The following SLC24A3 variants were observed in gnomAD, a reference collection of about 807,000 sequenced individuals.
The protein encoded by SLC24A3 is sodium/potassium/calcium exchanger 3.
In SLC24A3, 28 loss-of-function variants were observed where a neutral mutation model predicts 75.8. The observed-to-expected ratio is 0.37, with a 90% CI of 0.27 to 0.51. The LOEUF (loss-of-function observed/expected upper bound fraction) is 0.51. SLC24A3 is among the 20% of genes least tolerant of loss of function. The probability of loss-of-function intolerance (pLI) is 0.94; values close to 1 mark genes in which losing one functional copy is unlikely to be tolerated. For synonymous variants in SLC24A3, 372 were observed against 334.1 expected, an observed-to-expected ratio of 1.11 and a Z score of -1.24; for missense variants, 663 against 847.8, an observed-to-expected ratio of 0.78 and a Z score of 2.71.
At chr20:19,680,105 T>C (rs562716776) in intron 9 of SLC24A3, among the ~76,000 whole-genome samples, 2 of 136,306 alleles carry the variant, frequency 1.5e-5, no homozygotes, top group South Asian at 4.4e-4. Flanking sequence ...TGTGTGCGAG[T>C]GTGTGTCTGT....
At chr20:19,277,347 A>G (rs2051342543) in intron 1 of SLC24A3, among the ~76,000 whole-genome samples, 1 of 152,240 alleles carries the variant, frequency 6.6e-6, no homozygotes, top group African/African-American at 2.4e-5. Flanking sequence ...CATTCAGTGA[A>G]TGGAAGCCAT....
intron 6 of SLC24A3, among the ~76,000 whole-genome samples, chr20:19,627,801 G>A (rs1457151187): frequency 6.6e-6 from 1 of 152,158 alleles, no homozygotes; most frequent in Non-Finnish European, 1.5e-5. Context: ...TATAAACACA[G>A]AGTAGTAATA....
intron 6 of SLC24A3, among the ~76,000 whole-genome samples, chr20:19,622,368 G>C (rs2031815541): frequency 6.6e-6 from 1 of 152,158 alleles, no homozygotes; most frequent in Admixed American, 6.5e-5. Context: ...TTATGGCTGG[G>C]TCATTTCTAG....
At chr20:19,644,206 G>T (rs907519025) in intron 6 of SLC24A3, among the ~76,000 whole-genome samples, 2 of 152,130 alleles carry the variant, frequency 1.3e-5, no homozygotes, top group African/African-American at 4.8e-5. Context: ...CTGCTGCATC[G>T]CGTCCAGATC....
intron 2 of SLC24A3, among the ~76,000 whole-genome samples, chr20:19,341,606 G>A (rs1216522765): frequency 6.6e-6 from 1 of 152,182 alleles, no homozygotes; most frequent in Admixed American, 6.5e-5. Context: ...TCAAGACAGA[G>A]TAAACACTTC....
At chr20:19,685,955 G>A (rs1389898909) in intron 12 of SLC24A3, among the ~76,000 whole-genome samples, 8 of 152,140 alleles carry the variant, frequency 5.3e-5, no homozygotes, top group Non-Finnish European at 1.0e-4. Flanking sequence ...CCATCTGGGA[G>A]GCCTAAGGGT....
intron 2 of SLC24A3, among the ~76,000 whole-genome samples, chr20:19,506,733 C>G (rs1988467493): frequency 6.6e-6 from 1 of 151,544 alleles, no homozygotes; most frequent in African/African-American, 2.4e-5. Flanking sequence ...TCCCCTTGCT[C>G]CCAAGCTAAC....
At chr20:19,690,870 TA>T (rs1395072043) in intron 12 of SLC24A3, among the ~76,000 whole-genome samples, 4 of 152,248 alleles carry the variant, frequency 2.6e-5, no homozygotes, top group African/African-American at 9.6e-5. Flanking sequence ...CTTTTCTTAC[TA>T]TTTTTTTTGT....
intron 3 of SLC24A3, among the ~76,000 whole-genome samples, chr20:19,531,991 A>G (rs539734653): frequency 6.6e-6 from 1 of 152,292 alleles, no homozygotes; most frequent in African/African-American, 2.4e-5. Flanking sequence ...AACTTGCCCA[A>G]GGCATGCAGC....
At chr20:19,313,028 CTTTTTTTTTTTTTT>C (rs747623530) in intron 2 of SLC24A3, among the ~76,000 whole-genome samples, 1 of 68,274 alleles carries the variant, frequency 1.5e-5, no homozygotes, top group Non-Finnish European at 2.7e-5. Context: ...TTTTCTCTTG[CTTTTTTTTTTTTTT>C]TTTTTTTTTT....
intron 2 of SLC24A3, among the ~76,000 whole-genome samples, chr20:19,296,606 C>A (rs752394736): frequency 8.5e-5 from 13 of 152,102 alleles, no homozygotes; most frequent in Non-Finnish European, 1.6e-4. Context: ...AAAACCAGTT[C>A]TAAGAGATCT....
At chr20:19,700,975 T>C (rs1369405663) in intron 15 of SLC24A3, among the ~76,000 whole-genome samples, 1 of 152,220 alleles carries the variant, frequency 6.6e-6, no homozygotes, top group East Asian at 1.9e-4. Context: ...TTCTCAGTGT[T>C]AGAAAAGTTA....
chr20:19,721,050 C>T lies in SLC24A3; in HGVS notation c.1845C>T (p.Leu615=). Residue 615 remains leucine, a synonymous_variant, in exon 17 of 17, where the codon CTC becomes CTT. Transcript: ENST00000328041. The part of the protein sequence containing the change: ...QLDKKLGCGC[L]LLYGVFLCFS... The stretch of plus-strand genomic sequence containing the variant: ...ACAAGAAGCTGGGCTGTGGGTGCCT[C>T]CTCCTGTATGGTGTGTTCCTGTGCT... 1 of 1,614,148 alleles carries T rather than the reference C, an allele frequency of 6.2e-7. No individual in the cohort carries two copies. The highest frequency in any genetic ancestry group is 8.5e-7 in the Non-Finnish European group (1 of 1,180,034).
chr20:19,536,330 C>T (rs984084015), intron 3 of SLC24A3, among the ~76,000 whole-genome samples: 1 of 152,060 alleles, frequency 6.6e-6, no homozygotes, highest in Non-Finnish European at 1.5e-5. Flanking sequence ...CCCAGAGGAA[C>T]TTTGGGAGTG....
At chr20:19,698,155 A>G (rs1490610117) in intron 14 of SLC24A3, among the ~76,000 whole-genome samples, 1 of 152,086 alleles carries the variant, frequency 6.6e-6, no homozygotes, top group African/African-American at 2.4e-5. Flanking sequence ...ACGAGATCTC[A>G]CTCACTATCA....
intron 2 of SLC24A3, among the ~76,000 whole-genome samples, chr20:19,393,375 A>G (rs1027185510): frequency 4.6e-5 from 7 of 152,184 alleles, no homozygotes; most frequent in African/African-American, 1.7e-4. Context: ...GGAAATCCTA[A>G]TCAGAGCAAT....
chr20:19,437,813 CT>C (rs1393706098), intron 2 of SLC24A3, among the ~76,000 whole-genome samples: 2 of 152,208 alleles, frequency 1.3e-5, no homozygotes. Context: ...TGTCTCCATC[CT>C]CCTCCACCCT....
In SLC24A3 at chr20:19,536,855, C is replaced by T. The variant is rs976759304; in HGVS notation, c.348+21291C>T. Among the ~76,000 whole-genome samples the T allele has an allele frequency of 6.6e-5, 10 of 152,272 alleles. 2 individuals carry two copies. ...AAGCTGAAACTGGATCCCTTCCTTA[C>T]ACCTTATACAAAAATTAATTCAAGA... On this transcript the variant is annotated intron_variant, in intron 3 of 16. Transcript: ENST00000328041.
At chr20:19,624,023 G>A (rs2031837880) in intron 6 of SLC24A3, among the ~76,000 whole-genome samples, 1 of 152,152 alleles carries the variant, frequency 6.6e-6, no homozygotes, top group Admixed American at 6.5e-5. Flanking sequence ...CACAAGCCAA[G>A]GCACACCCCT....
Sources: allele counts gnomAD v4.1 joint callset (sites outside exome capture counted in the v4.1 genomes callset), GRCh38; gene constraint gnomAD v4.1.1; transcripts MANE v1.5; gene names NCBI Gene and HGNC (gene_info 2026-07-23, HGNC 2026-07-21).